Variants in NRIP3 observed in about 807,000 individuals in gnomAD.
NRIP3 encodes the protein nuclear receptor interacting protein 3, also known as nuclear receptor-interacting protein 3.
NRIP3 carries 31 observed loss-of-function variants against 29.0 expected under a neutral mutation model. The observed-to-expected ratio is 1.07, with a 90% CI of 0.80 to 1.44. The LOEUF is 1.44. Ranked by LOEUF, NRIP3 falls within the 40% of genes most tolerant of loss-of-function variation. NRIP3 has a pLI of 0.00. For missense variants in NRIP3, 314 were observed against 297.9 expected, an observed-to-expected ratio of 1.05 and a Z score of -0.40; for synonymous variants, 131 against 118.3, an observed-to-expected ratio of 1.11 and a Z score of -0.70.
intron 1 of NRIP3, among the ~76,000 whole-genome samples, chr11:8,992,239 A>G (rs1333929957): frequency 6.6e-6 from 1 of 152,192 alleles, no homozygotes; most frequent in East Asian, 1.9e-4. Flanking sequence ...GACTCACTTG[A>G]TCTGGAGAAC....
At chr11:8,984,036 G>C in intron 5 of NRIP3, 36 bp downstream of exon 5, 1 of 1,599,884 alleles carries the variant, frequency 6.3e-7, no homozygotes, top group South Asian at 1.1e-5. Context: ...CTGCCTCAGA[G>C]AGGAAGTATC....
At chr11:9,002,596 T>A (rs1165635309) in intron 1 of NRIP3, among the ~76,000 whole-genome samples, 168 of 101,218 alleles carry the variant, frequency 1.7e-3, no homozygotes, top group East Asian at 3.8e-3. Context: ...GCTGTTAAAT[T>A]AAAAAAAAAA....
Position 8,981,235 on chromosome 11 carries a change from T to A in NRIP3, c.*2310A>T, listed in dbSNP as rs935583551. On this transcript the variant is annotated 3_prime_UTR_variant, in exon 7 of 7. Transcript: ENST00000309166. ...CTGTAATCCCAGCACTTTGGGAGGC[T>A]GAGGTGGGCGGACCACAAGGTCAGG... The A allele has an allele frequency of 6.6e-6, 1 of 152,198 alleles. No homozygotes were observed. Among genetic ancestry groups the A allele is most frequent in the African/African-American group, 2.4e-5 (1 of 41,422 alleles). 9.4% of individuals were successfully genotyped at this position (152,198 alleles called of 1,614,324 possible). A position where few individuals can be genotyped will look rare whatever the true frequency, so the allele number is the denominator to read the frequency against.
intron 3 of NRIP3, 42 bp from the exon 4 acceptor site, chr11:8,985,892 T>C (rs780956619): frequency 1.9e-6 from 3 of 1,607,986 alleles, no homozygotes; most frequent in East Asian, 4.5e-5. Context: ...TTGACAGAGA[T>C]TCCTGGTAGA....
rs567345982 is a variant in NRIP3 at position 8,986,663 on chromosome 11, A to G, written c.423-813T>C. On this transcript the variant is annotated intron_variant, in intron 3 of 6. Coordinates refer to ENST00000309166, the MANE Select transcript of NRIP3 (RefSeq NM_020645.3). ...ATGGCAGTCTGCTGCCTAATTATGC[A>G]CCAGGACATTGTTAGTCTTTCTGGA... is the stretch of plus-strand genomic sequence containing the variant. Among the ~76,000 whole-genome samples the G allele has an allele frequency of 1.3e-4, 20 of 152,314 alleles. 1 individual carries two copies. The South Asian group carries it at 3.7e-3, about 28-fold the overall frequency.
chr11:8,988,552 G>C (rs1854552802), intron 1 of NRIP3, among the ~76,000 whole-genome samples: 1 of 152,210 alleles, frequency 6.6e-6, no homozygotes, highest in Non-Finnish European at 1.5e-5. Context: ...TAGGGCTTAA[G>C]AGAACTGAGA....
Position 8,985,798 on chromosome 11 carries a change from G to T in NRIP3, c.475C>A (p.Pro159Thr). 1.9e-6 allele frequency: 3 copies of T among 1,614,124 alleles called. No homozygotes were observed. The highest frequency in any genetic ancestry group is 1.7e-6 in the Non-Finnish European group (2 of 1,180,016). ...TGGCCCACTACTTTGAGATGCCGGG[G>T]TAGAGAAAGCTTTTCTCCTTCATGC... is the stretch of plus-strand genomic sequence containing the variant. ...HKHEGEKLSLPRHLKVVGQIE... is the reference protein window; with the variant it reads ...HKHEGEKLSLTRHLKVVGQIE... Residue 159 changes from proline (P) to threonine (T), a missense_variant, in exon 4 of 7, where the codon CCC becomes ACC. Physicochemically the swap from Pro to Thr is conservative, Grantham distance 38 (BLOSUM62 -1). Coordinates refer to ENST00000309166, the MANE Select transcript of NRIP3 (RefSeq NM_020645.3).
chr11:8,995,263 A>AT (rs1854682194), intron 1 of NRIP3, among the ~76,000 whole-genome samples: 1 of 152,104 alleles, frequency 6.6e-6, no homozygotes, highest in Admixed American at 6.6e-5. Context: ...TTACTACTCC[A>AT]TGAAGGCTTT....
chr11:8,991,831 T>C (rs1040121251), intron 1 of NRIP3, among the ~76,000 whole-genome samples: 1 of 152,226 alleles, frequency 6.6e-6, no homozygotes. Context: ...TTCTACAGAA[T>C]AGAATGTGAG....
intron 1 of NRIP3, among the ~76,000 whole-genome samples, chr11:9,003,091 C>T (rs1054136402): frequency 5.3e-5 from 8 of 152,182 alleles, no homozygotes; most frequent in African/African-American, 1.4e-4. Flanking sequence ...CAGATGCACA[C>T]ATTAGCTGGT....
At chr11:9,002,054 G>A (rs530021461) in intron 1 of NRIP3, among the ~76,000 whole-genome samples, 1 of 152,198 alleles carries the variant, frequency 6.6e-6, no homozygotes, top group African/African-American at 2.4e-5. Flanking sequence ...TCAGAAAAGC[G>A]GATGGAATTC....
At position 8,983,588 on chromosome 11, in the gene NRIP3, A is replaced by G. The variant is rs755711347; in HGVS notation, c.711-28T>C. 7 of 1,608,646 alleles carry G rather than the reference A, an allele frequency of 4.4e-6. No homozygotes were observed. The Admixed American group carries it at 1.2e-4, about 27-fold the overall frequency. On this transcript the variant is annotated intron_variant, in intron 6 of 6. Transcript: ENST00000309166. ...GAAATGAGAAATAAATATCAGGAGAAATAATGCCAAATTCAAAAAAAGTTA... is the reference window on the plus strand; with the variant it reads ...GAAATGAGAAATAAATATCAGGAGAGATAATGCCAAATTCAAAAAAAGTTA...
intron 1 of NRIP3, among the ~76,000 whole-genome samples, chr11:9,002,344 A>C (rs973579606): frequency 6.6e-6 from 1 of 152,180 alleles, no homozygotes; most frequent in African/African-American, 2.4e-5. Context: ...AAAGAGAGTT[A>C]TCTCTTTTGC....
intron 1 of NRIP3, among the ~76,000 whole-genome samples, chr11:8,990,930 T>G (rs1854588454): frequency 6.6e-6 from 1 of 152,194 alleles, no homozygotes; most frequent in African/African-American, 2.4e-5. Context: ...CAAAAAATAT[T>G]AATACATTTA....
In NRIP3 at chr11:8,987,547, C is replaced by CAAA. The variant is rs779450300; in HGVS notation, c.422_422+1insTTT (p.Leu142dup). 1.6e-5 allele frequency: 25 copies of CAAA among 1,611,078 alleles called. No individual in the cohort carries two copies. Among genetic ancestry groups the CAAA allele is most frequent in the Non-Finnish European group, 1.4e-5 (17 of 1,177,358 alleles). ...TCCACTCAGCACAAGTGCCTACTTACCCCAATCTGTCCACACAGGCCAAAG... is the reference window on the plus strand; with the variant it reads ...TCCACTCAGCACAAGTGCCTACTTACAAACCCAATCTGTCCACACAGGCCAAAG... On this transcript the variant is annotated inframe_insertion and splice_region_variant. Coordinates refer to ENST00000309166, the MANE Select transcript of NRIP3 (RefSeq NM_020645.3).
chr11:8,982,847 A>T lies in NRIP3; in HGVS notation c.*698T>A. 3 of 301,428 alleles carry T rather than the reference A, an allele frequency of 1.0e-5. No homozygotes were observed. Among genetic ancestry groups the T allele is most frequent in the Non-Finnish European group, 1.9e-5 (3 of 154,358 alleles). The allele number at this position is 301,428 out of a possible 1,614,324, so 18.7% of individuals were successfully genotyped here. A position where few individuals can be genotyped will look rare whatever the true frequency, so the allele number is the denominator to read the frequency against. On this transcript the variant is annotated 3_prime_UTR_variant, in exon 7 of 7. Coordinates refer to ENST00000309166, the MANE Select transcript of NRIP3 (RefSeq NM_020645.3). Reference sequence around the variant, plus strand: ...GCTCTGCCTTTTTTTTTTTTTTTTTAACACATTCTCACCTCTTTGCCCTCC... The same window carrying T: ...GCTCTGCCTTTTTTTTTTTTTTTTTTACACATTCTCACCTCTTTGCCCTCC...
rs532110984 is a variant in NRIP3, at chr11:9,002,492, ACT to A, written c.174+1268_174+1269del. Among the ~76,000 whole-genome samples the A allele has an allele frequency of 5.7e-4, 86 of 151,836 alleles. 1 individual carries two copies. Among genetic ancestry groups the A allele is most frequent in the African/African-American group, 1.9e-3 (79 of 41,430 alleles). On this transcript the variant is annotated intron_variant, in intron 1 of 6. Transcript: ENST00000309166. ...AGAGCAAGATAACTGAAGTAGACAAACTCTGCACAGAAGTAACTAATGGCAGG... is the reference window on the plus strand; with the variant it reads ...AGAGCAAGATAACTGAAGTAGACAAACTGCACAGAAGTAACTAATGGCAGG...
In NRIP3 at chr11:8,983,290, G is replaced by T; in HGVS notation, c.*255C>A. 1 of 556,162 alleles carries T rather than the reference G, an allele frequency of 1.8e-6. No individual in the cohort carries two copies. The allele number at this position is 556,162 out of a possible 1,614,324, so 34.5% of individuals were successfully genotyped here. A position where few individuals can be genotyped will look rare whatever the true frequency, so the allele number is the denominator to read the frequency against. On this transcript the variant is annotated 3_prime_UTR_variant, in exon 7 of 7. Coordinates refer to ENST00000309166, the MANE Select transcript of NRIP3 (RefSeq NM_020645.3). ...AAGCAGAGAAATAGGCCACAAGTGA[G>T]ACTGGCAGTGTCAAAAAAGGTCTAT...
In NRIP3 at chr11:9,003,902, G is replaced by T; in HGVS notation, c.34C>A (p.Arg12Ser). 6.6e-7 allele frequency: 1 copy of T among 1,521,396 alleles called. No homozygotes were observed. 94.2% of individuals were successfully genotyped at this position (1,521,396 alleles called of 1,614,324 possible). ...GCCTCCCGCATGTCGGTCTCCTTGC[G>T]GCCGCCCTCAGTGAGGAGCCCTGAG... Reference protein sequence around the residue: ...FYSGLLTEGGRKETDMREAAS... With the variant: ...FYSGLLTEGGSKETDMREAAS... Residue 12 changes from arginine (R) to serine (S), a missense_variant, in exon 1 of 7, where the codon CGC becomes AGC. Transcript: ENST00000309166.
Sources: gnomAD v4.1 joint callset for allele counts (sites outside exome capture counted in the v4.1 genomes callset) on GRCh38, gnomAD v4.1.1 for gene constraint, MANE v1.5 for transcripts, NCBI Gene and HGNC (gene_info 2026-07-23, HGNC 2026-07-21) for gene names.